HMCN1: variants seen among roughly 807,000 people sequenced by gnomAD.
The protein encoded by HMCN1 is hemicentin-1.
A neutral mutation model predicts 625.9 loss-of-function variants in HMCN1; 321 were observed. The observed-to-expected ratio is 0.51, with a 90% CI of 0.47 to 0.56. The LOEUF is 0.56. Among genes scored for constraint, HMCN1 ranks in the 20% least tolerant of loss-of-function variants. The probability of loss-of-function intolerance (pLI) is 0.00; values close to 1 mark genes in which losing one functional copy is unlikely to be tolerated. For synonymous variants in HMCN1, 2,425 were observed against 2,417.6 expected (o/e 1.00, Z -0.09); for missense variants, 6,588 against 6,887.3 (o/e 0.96, Z 1.54).
At chr1:185,775,272 A>G (rs1020246046) in intron 1 of HMCN1, among the ~76,000 whole-genome samples, 9 of 152,268 alleles carry the variant, frequency 5.9e-5, no homozygotes, top group African/African-American at 1.9e-4. Flanking sequence ...TCGTTGTGGC[A>G]CACACCTGTA....
intron 55 of HMCN1, among the ~76,000 whole-genome samples, chr1:186,078,906 T>TAACATA (rs1233726017): frequency 6.6e-6 from 1 of 152,194 alleles, no homozygotes; most frequent in African/African-American, 2.4e-5. Flanking sequence ...ACAATTAACA[T>TAACATA]AGATTTTAAA....
chr1:186,128,339 C>G, intron 83 of HMCN1, 48 bp downstream of exon 83: 1 of 1,427,228 alleles, frequency 7.0e-7, no homozygotes, highest in Non-Finnish European at 9.8e-7. Context: ...CTATGTAGAA[C>G]TCTAGACGAA....
intron 1 of HMCN1, among the ~76,000 whole-genome samples, chr1:185,799,328 C>G (rs981551874): frequency 1.3e-5 from 2 of 152,174 alleles, no homozygotes; most frequent in African/African-American, 2.4e-5. Flanking sequence ...AGGTCAACCT[C>G]CAGGCCAGTA....
chr1:185,941,917 G>T (rs1403113336), intron 11 of HMCN1, among the ~76,000 whole-genome samples: 3 of 152,130 alleles, frequency 2.0e-5, no homozygotes, highest in African/African-American at 4.8e-5. Context: ...AAAGGACTGG[G>T]TGTGGTGGCT....
chr1:185,781,065 G>T (rs1004985074), intron 1 of HMCN1, among the ~76,000 whole-genome samples: 1 of 152,112 alleles, frequency 6.6e-6, no homozygotes, highest in Admixed American at 6.5e-5. Flanking sequence ...CTTCTTCCTG[G>T]TTTAGTCTTG....
intron 1 of HMCN1, among the ~76,000 whole-genome samples, chr1:185,743,052 A>G (rs1654094955): frequency 6.6e-6 from 1 of 152,188 alleles, no homozygotes. Flanking sequence ...GACATTGCTT[A>G]TGATTTGTTT....
At chr1:186,126,671 C>T (rs935674409) in intron 82 of HMCN1, among the ~76,000 whole-genome samples, 16 of 151,998 alleles carry the variant, frequency 1.1e-4, no homozygotes, top group African/African-American at 3.9e-4. Context: ...GAGGTGGAAA[C>T]ATGTCCAGTG....
intron 41 of HMCN1, among the ~76,000 whole-genome samples, chr1:186,047,146 G>A (rs1045665666): frequency 1.3e-5 from 2 of 152,086 alleles, no homozygotes; most frequent in South Asian, 2.1e-4. Context: ...AGTATGTTAC[G>A]GGCAAAGGAT....
At chr1:185,839,393 G>T (rs1164273243) in intron 1 of HMCN1, among the ~76,000 whole-genome samples, 3 of 151,990 alleles carry the variant, frequency 2.0e-5, no homozygotes, top group Non-Finnish European at 4.4e-5. Context: ...TTTGCTTTCA[G>T]GGTACCTTGA....
Position 186,098,691 on chromosome 1 carries a change from C to A in HMCN1, c.10573+3170C>A, listed in dbSNP as rs138141207. On this transcript the variant is annotated intron_variant, in intron 68 of 106. Coordinates refer to ENST00000271588, the MANE Select transcript of HMCN1 (RefSeq NM_031935.3). ...AGAAATCCCACTACTGGATATATATCCAAAGGAAATGAAATCAGTATGTCA... is the reference window on the plus strand; with the variant it reads ...AGAAATCCCACTACTGGATATATATACAAAGGAAATGAAATCAGTATGTCA... Among the ~76,000 whole-genome samples the A allele has an allele frequency of 6.0e-4, 91 of 152,096 alleles. 1 individual carries two copies. The East Asian group carries it at 0.014, about 23-fold the overall frequency.
rs755744134 is a variant in HMCN1, at chr1:186,132,381, G to A, written c.13284G>A (p.Val4428=). The A allele has an allele frequency of 1.2e-6, 2 of 1,612,420 alleles. No individual in the cohort carries two copies. Among genetic ancestry groups the A allele is most frequent in the South Asian group, 1.1e-5 (1 of 90,892 alleles). Residue 4428 remains valine, a synonymous_variant, in exon 86 of 107, where the codon GTG becomes GTA. Transcript: ENST00000271588. ...TAGCTACCAATGAAGCTGGGGTGGT[G>A]GAGCGCAGCATGAGTCTGACTCTGC... ...TCVATNEAGV[V]ERSMSLTLQS... is the part of the protein sequence containing the mutation.
At chr1:185,947,694 G>A (rs752823795) in intron 11 of HMCN1, among the ~76,000 whole-genome samples, 1 of 152,084 alleles carries the variant, frequency 6.6e-6, no homozygotes, top group Non-Finnish European at 1.5e-5. Context: ...TTGGTTGATT[G>A]GTTTTAGTTT....
chr1:185,806,382 T>C (rs1390393369), intron 1 of HMCN1, among the ~76,000 whole-genome samples: 1 of 151,818 alleles, frequency 6.6e-6, no homozygotes, highest in Non-Finnish European at 1.5e-5. Flanking sequence ...AACAGGAAAG[T>C]TTTATCCAGC....
rs1415661837 is a variant in HMCN1, at chr1:186,006,608, C to T, written c.4476-520C>T. 2.6e-5 allele frequency among the ~76,000 whole-genome samples: 4 copies of T among 151,772 alleles called. No individual in the cohort carries two copies. In the East Asian group the frequency reaches 7.7e-4, roughly 29 times the overall value. On this transcript the variant is annotated intron_variant, in intron 29 of 106. Coordinates refer to ENST00000271588, the MANE Select transcript of HMCN1 (RefSeq NM_031935.3). ...GTAAGCATTTGTATTTATTACAATA[C>T]TTATTTTTAGAGAAGTTGGTATGAT...
rs6662603 is a variant in HMCN1, at chr1:185,888,998, G to A, written c.622-20339G>A. ...CTTTTATTTCCTTGAGCAGCGGTTT[G>A]TAGTTCTCCTTGAAGAGGTCCTTCA... On this transcript the variant is annotated intron_variant, in intron 4 of 106. Coordinates refer to ENST00000271588, the MANE Select transcript of HMCN1 (RefSeq NM_031935.3). Among the ~76,000 whole-genome samples the A allele has an allele frequency of 1.7e-4, 24 of 145,006 alleles. 3 individuals carry two copies. The highest frequency in any genetic ancestry group is 6.9e-4 in the African/African-American group (24 of 34,624).
At chr1:185,850,644 C>A (rs527480968) in intron 2 of HMCN1, among the ~76,000 whole-genome samples, 1 of 152,130 alleles carries the variant, frequency 6.6e-6, no homozygotes, top group Non-Finnish European at 1.5e-5. Flanking sequence ...CTGATACAGA[C>A]ACTCTATAAG....
chr1:185,948,549 T>C (rs1204019041), intron 11 of HMCN1, among the ~76,000 whole-genome samples: 1 of 151,286 alleles, frequency 6.6e-6, no homozygotes, highest in Non-Finnish European at 1.5e-5. Context: ...CACAAGGTAA[T>C]GTCATCACTT....
intron 6 of HMCN1, among the ~76,000 whole-genome samples, chr1:185,917,075 C>A (rs1666743785): frequency 1.3e-5 from 2 of 152,192 alleles, no homozygotes; most frequent in African/African-American, 4.8e-5. Flanking sequence ...GTCAATGATA[C>A]ATTTCTCTTC....
At chr1:185,973,609 G>A (rs1384813084) in intron 15 of HMCN1, among the ~76,000 whole-genome samples, 2 of 151,560 alleles carry the variant, frequency 1.3e-5, no homozygotes, top group Non-Finnish European at 2.9e-5. Flanking sequence ...TTATGAAAAG[G>A]CTATTTAATA....
Sources: gnomAD v4.1 joint callset for allele counts (sites outside exome capture counted in the v4.1 genomes callset) on GRCh38, gnomAD v4.1.1 for gene constraint, MANE v1.5 for transcripts, NCBI Gene and HGNC (gene_info 2026-07-23, HGNC 2026-07-21) for gene names.